The following C3 variants were observed in gnomAD, a reference collection of about 807,000 sequenced individuals.
C3 encodes complement C3.
Under a neutral mutation model 207.9 loss-of-function variants are expected in C3, and 97 were observed. The observed-to-expected ratio is 0.47, with a 90% CI of 0.40 to 0.55. The LOEUF (loss-of-function observed/expected upper bound fraction) is 0.55. Among genes scored for constraint, C3 ranks in the 20% least tolerant of loss-of-function variants. C3 has a pLI of 0.00. For synonymous variants in C3, 848 were observed against 857.6 expected, an observed-to-expected ratio of 0.99 and a Z score of 0.20; for missense variants, 1,684 against 2,171.7, an observed-to-expected ratio of 0.78 and a Z score of 4.46.
At chr19:6,710,415 A>C (rs1026709305) in intron 13 of C3, among the ~76,000 whole-genome samples, 14 of 141,978 alleles carry the variant, frequency 9.9e-5, no homozygotes, top group Non-Finnish European at 3.1e-5. Context: ...AGGAAAGAGA[A>C]ATAAAGAGAG....
chr19:6,689,823 AAG>A (rs1918125216), intron 27 of C3, among the ~76,000 whole-genome samples: 1 of 152,174 alleles, frequency 6.6e-6, no homozygotes, highest in South Asian at 2.1e-4. Context: ...GTCTACTAAA[AAG>A]ACAAAAATTA....
At chr19:6,714,513 G>C (rs1967991075) in intron 4 of C3, 67 bp from the exon 5 acceptor site, 1 of 1,084,362 alleles carries the variant, frequency 9.2e-7, no homozygotes, top group East Asian at 2.4e-5. Flanking sequence ...TAGCCTCTCA[G>C]CTCTCCCCGA....
intron 33 of C3, among the ~76,000 whole-genome samples, chr19:6,684,063 C>T (rs1490050148): frequency 6.6e-6 from 1 of 152,336 alleles, no homozygotes; most frequent in South Asian, 2.1e-4. Context: ...TGTGCCACTG[C>T]ACTCCAGCCT....
chr19:6,702,427 G>T, intron 18 of C3, 44 bp downstream of exon 18: 1 of 1,305,958 alleles, frequency 7.7e-7, no homozygotes, highest in Non-Finnish European at 1.1e-6. Context: ...AAATTAAACG[G>T]TCTGACTCTG....
At chr19:6,684,161 T>G in intron 33 of C3, 1 of 621,328 alleles carries the variant, frequency 1.6e-6, no homozygotes, top group Non-Finnish European at 2.9e-6. Flanking sequence ...CCTCCATTGA[T>G]TACTAAGATG....
intron 14 of C3, among the ~76,000 whole-genome samples, chr19:6,708,244 T>C (rs1297142646): frequency 2.6e-5 from 4 of 151,872 alleles, no homozygotes; most frequent in Admixed American, 6.6e-5. Flanking sequence ...TCAGGCAATT[T>C]TCCTGCCTCA....
At chr19:6,684,883 G>T (rs1210196164) in intron 30 of C3, 49 bp from the exon 31 acceptor site, 1 of 1,609,304 alleles carries the variant, frequency 6.2e-7, no homozygotes, top group African/African-American at 1.3e-5. Context: ...TAAGCCTTCT[G>T]CTGCCTGTGA....
chr19:6,686,063 G>A, intron 29 of C3, 61 bp downstream of exon 29: 1 of 1,548,136 alleles, frequency 6.5e-7, no homozygotes, highest in Non-Finnish European at 8.9e-7. Flanking sequence ...TTCTCTAGGA[G>A]GCCAGTGGGA....
At chr19:6,693,182 A>AGTTTGCCTG (rs1281870167) in intron 25 of C3, 99 bp from the exon 26 acceptor site, 2 of 1,456,192 alleles carry the variant, frequency 1.4e-6, no homozygotes, top group Non-Finnish European at 9.5e-7. Context: ...GGCCTGGCCC[A>AGTTTGCCTG]GTTTGCCTGG....
At chr19:6,715,608 G>GT (rs1322178794) in intron 4 of C3, among the ~76,000 whole-genome samples, 231 of 144,690 alleles carry the variant, frequency 1.6e-3, no homozygotes, top group African/African-American at 4.2e-3. Flanking sequence ...ATAAAAATCT[G>GT]TTTTTTTTTT....
intron 27 of C3, 113 bp downstream of exon 27, chr19:6,690,516 G>A: frequency 2.5e-6 from 2 of 813,538 alleles, no homozygotes; most frequent in Non-Finnish European, 4.4e-6. Flanking sequence ...AGTGATGTCT[G>A]TTATTGCACT....
rs564907714 is a variant in C3 at position 6,696,746 on chromosome 19, G to A, written c.2797-87C>T. 13 of 1,331,242 alleles carry A rather than the reference G, an allele frequency of 9.8e-6. No individual in the cohort carries two copies. In the African/African-American group the frequency reaches 1.9e-4, roughly 19 times the overall value. 82.5% of individuals were successfully genotyped at this position (1,331,242 alleles called of 1,614,324 possible). ...ATGGTCAGCAGGGCACTGTCCTTAGGATCACCCTAGCATTGCCGGGCGCGG... is the reference window on the plus strand; with the variant it reads ...ATGGTCAGCAGGGCACTGTCCTTAGAATCACCCTAGCATTGCCGGGCGCGG... On this transcript the variant is annotated intron_variant, in intron 21 of 40. Coordinates refer to ENST00000245907, the MANE Select transcript of C3 (RefSeq NM_000064.4).
chr19:6,707,426 G>C (rs373941166), intron 16 of C3, 40 bp downstream of exon 16: 20 of 1,610,394 alleles, frequency 1.2e-5, no homozygotes, highest in African/African-American at 1.2e-4. Context: ...GTCTCCTGGG[G>C]TGGGGCTCGG....
chr19:6,682,812 C>T (rs900040033), intron 33 of C3: 2 of 156,972 alleles, frequency 1.3e-5, no homozygotes, highest in African/African-American at 4.8e-5. Context: ...TCTGTTGCCT[C>T]CCTGTCTCCA....
chr19:6,685,248 A>G (rs890328222), intron 29 of C3, 102 bp from the exon 30 acceptor site: 125 of 1,113,056 alleles, frequency 1.1e-4, no homozygotes, highest in Middle Eastern at 2.2e-4. Flanking sequence ...GGACATCAAA[A>G]TGTGGCCTAG....
At chr19:6,707,638 AT>A in intron 15 of C3, 101 bp from the exon 16 acceptor site, 1 of 1,536,694 alleles carries the variant, frequency 6.5e-7, no homozygotes, top group Non-Finnish European at 9.0e-7. Context: ...TCCTGCTCCC[AT>A]TTGATGGAAG....
rs1468039712 is a variant in C3, at chr19:6,682,487, C to T, written c.4173-258G>A. The T allele has an allele frequency of 8.6e-6, 4 of 463,218 alleles. No homozygotes were observed. In the Admixed American group the frequency reaches 1.4e-4, roughly 16 times the overall value. 28.7% of individuals were successfully genotyped at this position (463,218 alleles called of 1,614,324 possible). A position where few individuals can be genotyped will look rare whatever the true frequency, so the allele number is the denominator to read the frequency against. On this transcript the variant is annotated intron_variant, in intron 33 of 40. Transcript: ENST00000245907. ...TTCCAGCTCTAAATAACATTGGATG[C>T]ATTATTTGACCCTCCATGCTTCAGT...
chr19:6,690,762 C>T (rs549833194), intron 26 of C3, 35 bp from the exon 27 acceptor site: 1 of 1,520,846 alleles, frequency 6.6e-7, no homozygotes, highest in South Asian at 1.1e-5. Flanking sequence ...GATGGGGTCA[C>T]CGGTGTGTCC....
chr19:6,707,846 C>A lies in C3; in HGVS notation c.1929G>T (p.Gly643=). ...GGCCACTGCTGCTCGTGAAGGTCAG[C>A]CCTGCGTCGGAGAAGACACCGGCGT... ...KDYAGVFSDA[G]LTFTSSSGQQ... The change falls in exon 15 of 41, where the codon GGG becomes GGT. Residue 643 remains glycine, a synonymous_variant. Transcript: ENST00000245907. 4 of 1,613,944 alleles carry A rather than the reference C, an allele frequency of 2.5e-6. No individual in the cohort carries two copies. The highest frequency in any genetic ancestry group is 3.4e-6 in the Non-Finnish European group (4 of 1,180,022).
Sources: allele counts gnomAD v4.1 joint callset (sites outside exome capture counted in the v4.1 genomes callset), GRCh38; gene constraint gnomAD v4.1.1; transcripts MANE v1.5; gene names NCBI Gene and HGNC (gene_info 2026-07-23, HGNC 2026-07-21).